Variants in ANKRD36C observed in about 807,000 individuals in gnomAD.
ANKRD36C encodes ankyrin repeat domain-containing protein 36C.
ANKRD36C carries 61 observed loss-of-function variants against 276.4 expected under a neutral mutation model. The observed-to-expected ratio is 0.22, with a 90% CI of 0.18 to 0.27. ANKRD36C has a LOEUF of 0.27. Among genes scored for constraint, ANKRD36C ranks in the 10% least tolerant of loss-of-function variants. ANKRD36C has a pLI of 1.00. For missense variants in ANKRD36C, 1,447 were observed against 2,032.3 expected (o/e 0.71, Z 5.54); for synonymous variants, 483 against 680.1 (o/e 0.71, Z 4.51).
At position 95,894,201 on chromosome 2, in the gene ANKRD36C, A is replaced by T. The variant is rs565201772; in HGVS notation, c.2756-2341T>A. On this transcript the variant is annotated intron_variant, in intron 44 of 66. Transcript: ENST00000456556. Reference sequence around the variant, plus strand: ...AGGCACACAATTGCAATGATACTTCAGTTAAACTTACACTTCACATCTCTT... The same window carrying T: ...AGGCACACAATTGCAATGATACTTCTGTTAAACTTACACTTCACATCTCTT... The T allele has an allele frequency of 4.5e-5, 9 of 199,822 alleles. 1 individual carries two copies. The highest frequency in any genetic ancestry group is 8.2e-5 in the Non-Finnish European group (8 of 97,900). 12.4% of individuals were successfully genotyped at this position (199,822 alleles called of 1,614,324 possible). A position where few individuals can be genotyped will look rare whatever the true frequency, so the allele number is the denominator to read the frequency against.
intron 1 of ANKRD36C, among the ~76,000 whole-genome samples, chr2:95,988,390 G>C (rs1679075530): frequency 6.7e-6 from 1 of 150,276 alleles, no homozygotes; most frequent in African/African-American, 2.5e-5. Context: ...CTTCAGAATT[G>C]CTTTTGTTTA....
At chr2:95,963,966 T>TATAA (rs1278830982) in intron 6 of ANKRD36C, among the ~76,000 whole-genome samples, 20 of 50,926 alleles carry the variant, frequency 3.9e-4, no homozygotes, top group African/African-American at 1.4e-3. Context: ...TAAATATATA[T>TATAA]ATATAAATAT....
At chr2:95,975,087 T>A (rs1324879858) in intron 6 of ANKRD36C, among the ~76,000 whole-genome samples, 1 of 151,928 alleles carries the variant, frequency 6.6e-6, no homozygotes, top group Non-Finnish European at 1.5e-5. Flanking sequence ...ATGTCTTTGC[T>A]ATTGTGAATA....
At chr2:95,942,384 T>A (rs1225313193) in intron 19 of ANKRD36C, among the ~76,000 whole-genome samples, 1 of 152,306 alleles carries the variant, frequency 6.6e-6, no homozygotes, top group Non-Finnish European at 1.5e-5. Flanking sequence ...ATTATGGTCA[T>A]CTGCATTTTT....
intron 52 of ANKRD36C, among the ~76,000 whole-genome samples, chr2:95,884,724 T>C (rs1676162776): frequency 6.6e-6 from 1 of 152,040 alleles, no homozygotes; most frequent in African/African-American, 2.4e-5. Flanking sequence ...CAGATGGTAC[T>C]TGATCCCACA....
At chr2:95,860,380 C>G (rs1183287544) in intron 60 of ANKRD36C, among the ~76,000 whole-genome samples, 1 of 150,604 alleles carries the variant, frequency 6.6e-6, no homozygotes, top group Non-Finnish European at 1.5e-5. Flanking sequence ...TATACTTCAC[C>G]CAGGGAAGAT....
chr2:95,921,185 A>G (rs796246793), intron 34 of ANKRD36C, among the ~76,000 whole-genome samples: 1 of 150,626 alleles, frequency 6.6e-6, no homozygotes, highest in African/African-American at 2.5e-5. Flanking sequence ...CTTAGTTCTC[A>G]TTCTACAGTG....
intron 36 of ANKRD36C, among the ~76,000 whole-genome samples, chr2:95,916,376 A>G (rs1349561333): frequency 6.6e-6 from 1 of 151,568 alleles, no homozygotes; most frequent in African/African-American, 2.4e-5. Flanking sequence ...TACCCTTACA[A>G]TTTCAAACAT....
At chr2:95,872,732 G>A (rs1433673838) in intron 59 of ANKRD36C, among the ~76,000 whole-genome samples, 2 of 151,958 alleles carry the variant, frequency 1.3e-5, no homozygotes, top group Admixed American at 1.3e-4. Flanking sequence ...CCAGGAGCTG[G>A]TTTTTTGAAA....
At chr2:95,960,339 T>G (rs1350850027) in intron 10 of ANKRD36C, 134 bp downstream of exon 10, 4 of 1,202,970 alleles carry the variant, frequency 3.3e-6, no homozygotes, top group Non-Finnish European at 4.7e-6. Context: ...CAAGAACTTA[T>G]TACAAACGCA....
At chr2:95,980,266 T>G (rs778179982) in intron 5 of ANKRD36C, among the ~76,000 whole-genome samples, 2 of 152,142 alleles carry the variant, frequency 1.3e-5, no homozygotes, top group Non-Finnish European at 2.9e-5. Context: ...TGGTCCCCAG[T>G]GCACAGCACA....
At chr2:95,862,991 C>T (rs1453586324) in intron 60 of ANKRD36C, among the ~76,000 whole-genome samples, 1 of 151,554 alleles carries the variant, frequency 6.6e-6, no homozygotes, top group Non-Finnish European at 1.5e-5. Flanking sequence ...TTGTTTGAAC[C>T]AGTCTATGGT....
At chr2:95,877,996 T>TTCTTTATTATAATAGTGA in intron 58 of ANKRD36C, among the ~76,000 whole-genome samples, 1 of 146,242 alleles carries the variant, frequency 6.8e-6, no homozygotes, top group Non-Finnish European at 1.5e-5. Context: ...CCAGCCTGAC[T>TTCTTTATTATAATAGTGA]AACATGGTGA....
At chr2:95,980,664 C>T (rs772707725) in exon 5 of ANKRD36C, 49 of 1,612,360 alleles carry the variant, frequency 3.0e-5, no homozygotes, top group Non-Finnish European at 4.1e-5. Context: ...TTCTTAGCCT[C>T]GCTGGCATAA....
At chr2:95,881,334 T>C (rs1676073398) in intron 56 of ANKRD36C, among the ~76,000 whole-genome samples, 2 of 152,232 alleles carry the variant, frequency 1.3e-5, no homozygotes, top group African/African-American at 4.8e-5. Context: ...ATTATACATA[T>C]TTATACAAAA....
At chr2:95,913,968 G>A in intron 40 of ANKRD36C, 140 bp downstream of exon 42, 2 of 941,066 alleles carry the variant, frequency 2.1e-6, no homozygotes, top group Non-Finnish European at 3.2e-6. Flanking sequence ...CATCACCCAA[G>A]AACTTATTTG....
At chr2:95,955,578 A>T (rs745843616) in intron 13 of ANKRD36C, among the ~76,000 whole-genome samples, 3 of 152,040 alleles carry the variant, frequency 2.0e-5, no homozygotes, top group Non-Finnish European at 4.4e-5. Flanking sequence ...ATTCACTTTC[A>T]TTGGGTTCAA....
intron 62 of ANKRD36C, among the ~76,000 whole-genome samples, chr2:95,857,070 A>T (rs78243514): frequency 4.3e-4 from 65 of 152,274 alleles, no homozygotes; most frequent in African/African-American, 1.3e-3. Context: ...ACAAAATACT[A>T]ACAATATCAT....
chr2:95,870,084 G>C (rs1198882451), intron 59 of ANKRD36C, among the ~76,000 whole-genome samples: 2 of 152,242 alleles, frequency 1.3e-5, no homozygotes, highest in Admixed American at 6.5e-5. Flanking sequence ...TCTGGGGGCA[G>C]GGCACAGAGA....
Sources: allele counts gnomAD v4.1 joint callset (sites outside exome capture counted in the v4.1 genomes callset), GRCh38; gene constraint gnomAD v4.1.1; transcripts MANE v1.5; gene names NCBI Gene and HGNC (gene_info 2026-07-23, HGNC 2026-07-21).